CTNND2: variants seen among roughly 807,000 people sequenced by gnomAD.
CTNND2 encodes catenin delta-2.
A neutral mutation model predicts 144.4 loss-of-function variants in CTNND2; 22 were observed. The observed-to-expected ratio is 0.15, with a 90% CI of 0.11 to 0.22. The LOEUF is 0.22. Ranked by LOEUF, CTNND2 falls within the 10% of genes least tolerant of loss-of-function variation. The pLI is 1.00. For missense variants in CTNND2, 1,353 were observed against 1,618.8 expected, an observed-to-expected ratio of 0.84 and a Z score of 2.82; for synonymous variants, 751 against 695.6, an observed-to-expected ratio of 1.08 and a Z score of -1.25.
chr5:11,863,979 G>A (rs560390013), intron 1 of CTNND2, among the ~76,000 whole-genome samples: 4 of 152,234 alleles, frequency 2.6e-5, no homozygotes, highest in South Asian at 4.2e-4. Context: ...AGAACTCCAC[G>A]TTCTTTTAGC....
chr5:11,855,957 C>T (rs890445434), intron 1 of CTNND2, among the ~76,000 whole-genome samples: 1 of 152,224 alleles, frequency 6.6e-6, no homozygotes, highest in African/African-American at 2.4e-5. Flanking sequence ...CTAAGCTACT[C>T]ATTTATAAAG....
chr5:11,831,013 A>G (rs1456857875), intron 1 of CTNND2, among the ~76,000 whole-genome samples: 3 of 152,222 alleles, frequency 2.0e-5, no homozygotes, highest in African/African-American at 4.8e-5. Flanking sequence ...TGTGAAAATT[A>G]TAAGACAATA....
At chr5:11,256,789 G>A (rs574158564) in intron 9 of CTNND2, among the ~76,000 whole-genome samples, 1 of 152,300 alleles carries the variant, frequency 6.6e-6, no homozygotes, top group African/African-American at 2.4e-5. Flanking sequence ...GGATAAAAGA[G>A]TGGGCAACAT....
rs1430508524 is a variant in CTNND2 at position 11,501,357 on chromosome 5, A to C, written c.287+63587T>G. 2.0e-5 allele frequency among the ~76,000 whole-genome samples: 3 copies of C among 152,310 alleles called. No homozygotes were observed. In the East Asian group the frequency reaches 5.8e-4, roughly 29 times the overall value. On this transcript the variant is annotated intron_variant, in intron 3 of 21. Transcript: ENST00000304623. The stretch of plus-strand genomic sequence containing the variant: ...AGATATGATCCCTACTCCTGCGAGA[A>C]TGAGAATGACATTCCAGAACTGTGT...
intron 9 of CTNND2, among the ~76,000 whole-genome samples, chr5:11,241,398 C>G (rs2149910527): frequency 6.6e-6 from 1 of 152,278 alleles, no homozygotes; most frequent in South Asian, 2.1e-4. Context: ...CCAGACAAGA[C>G]TGGAAGGTGA....
chr5:11,295,309 A>C (rs1748798444), intron 9 of CTNND2, among the ~76,000 whole-genome samples: 2 of 152,146 alleles, frequency 1.3e-5, no homozygotes, highest in Non-Finnish European at 2.9e-5. Context: ...AGAACTACAA[A>C]CCACTGCTCG....
At chr5:11,136,054 C>T (rs1020699558) in intron 12 of CTNND2, among the ~76,000 whole-genome samples, 50 of 152,106 alleles carry the variant, frequency 3.3e-4, no homozygotes, top group African/African-American at 1.2e-3. Context: ...TAAAAGATGC[C>T]TGAGGGAGTC....
chr5:11,212,061 A>T (rs1738692656), intron 10 of CTNND2, among the ~76,000 whole-genome samples: 1 of 151,590 alleles, frequency 6.6e-6, no homozygotes, highest in South Asian at 2.1e-4. Flanking sequence ...TTATGCACAT[A>T]TTTTTTTTTC....
At chr5:11,559,340 C>T (rs111990632) in intron 3 of CTNND2, among the ~76,000 whole-genome samples, 54 of 152,224 alleles carry the variant, frequency 3.5e-4, no homozygotes, top group Non-Finnish European at 6.5e-4. Context: ...GAAAAGAACC[C>T]TGTCTACCTT....
intron 9 of CTNND2, among the ~76,000 whole-genome samples, chr5:11,266,792 T>C (rs1400386571): frequency 1.3e-5 from 2 of 152,238 alleles, no homozygotes; most frequent in Non-Finnish European, 2.9e-5. Flanking sequence ...GCTGCCATTA[T>C]GGGTTGGCTT....
At chr5:11,352,926 C>T (rs1755472879) in intron 8 of CTNND2, among the ~76,000 whole-genome samples, 1 of 151,904 alleles carries the variant, frequency 6.6e-6, no homozygotes, top group Non-Finnish European at 1.5e-5. Flanking sequence ...GAAAAATAAT[C>T]CCATGTTTAA....
At chr5:11,303,623 T>C (rs920515397) in intron 9 of CTNND2, among the ~76,000 whole-genome samples, 18 of 151,444 alleles carry the variant, frequency 1.2e-4, no homozygotes, top group African/African-American at 4.3e-4. Flanking sequence ...CACTATTCCT[T>C]CTTCATTCAG....
chr5:11,613,039 T>C (rs569632203), intron 2 of CTNND2, among the ~76,000 whole-genome samples: 3 of 152,254 alleles, frequency 2.0e-5, no homozygotes, highest in Non-Finnish European at 4.4e-5. Flanking sequence ...ATTTATTTCT[T>C]GAGTGCATAC....
chr5:11,744,413 C>T (rs1788188473), intron 1 of CTNND2, among the ~76,000 whole-genome samples: 2 of 152,108 alleles, frequency 1.3e-5, no homozygotes, highest in African/African-American at 2.4e-5. Flanking sequence ...CTCTCAACAG[C>T]AATCAGGGTC....
At chr5:11,729,915 T>C (rs1787238263) in intron 2 of CTNND2, among the ~76,000 whole-genome samples, 1 of 152,198 alleles carries the variant, frequency 6.6e-6, no homozygotes, top group Non-Finnish European at 1.5e-5. Flanking sequence ...TCACTTAAAA[T>C]TGTATGTCCC....
intron 16 of CTNND2, among the ~76,000 whole-genome samples, chr5:11,054,082 C>G (rs1043646502): frequency 6.6e-6 from 1 of 152,134 alleles, no homozygotes; most frequent in African/African-American, 2.4e-5. Context: ...ATCTCTTTTT[C>G]ACAGAACAGA....
intron 9 of CTNND2, among the ~76,000 whole-genome samples, chr5:11,319,990 TGCATATACACAGGCACTGAGCTG>T (rs1164555594): frequency 6.6e-5 from 10 of 152,226 alleles, no homozygotes; most frequent in African/African-American, 2.4e-4. Context: ...AAATGGACAC[TGCATATACACAGGCACTGAGCTG>T]AACTCTGAGA....
At chr5:11,113,898 A>G (rs530031816) in intron 13 of CTNND2, among the ~76,000 whole-genome samples, 9 of 152,352 alleles carry the variant, frequency 5.9e-5, no homozygotes, top group African/African-American at 2.2e-4. Flanking sequence ...TACCGAGGGC[A>G]TGAAAACTTA....
intron 1 of CTNND2, among the ~76,000 whole-genome samples, chr5:11,790,085 G>A (rs1185616074): frequency 6.6e-6 from 1 of 152,070 alleles, no homozygotes; most frequent in African/African-American, 2.4e-5. Flanking sequence ...TTTATGCTTC[G>A]AGGATTGAAT....
Sources: allele counts gnomAD v4.1 joint callset (sites outside exome capture counted in the v4.1 genomes callset), GRCh38; gene constraint gnomAD v4.1.1; transcripts MANE v1.5; gene names NCBI Gene and HGNC (gene_info 2026-07-23, HGNC 2026-07-21).